SGCA: variants seen among roughly 807,000 people sequenced by gnomAD.
The protein encoded by SGCA is sarcoglycan alpha, also known as alpha-sarcoglycan.
In SGCA, 34 loss-of-function variants were observed where a neutral mutation model predicts 38.1. That is an observed-to-expected ratio of 0.89 (90% CI 0.68 to 1.19). The LOEUF (loss-of-function observed/expected upper bound fraction) is 1.19. SGCA is among the 50% of genes most tolerant of loss of function. SGCA has a pLI of 0.00. For missense variants in SGCA, 476 were observed against 524.9 expected (o/e 0.91, Z 0.91); for synonymous variants, 209 against 214.6 (o/e 0.97, Z 0.23).
chr17:50,169,027 T>G, intron 5 of SGCA, 65 bp from the exon 6 acceptor site: 1 of 1,475,886 alleles, frequency 6.8e-7, no homozygotes, highest in Non-Finnish European at 9.5e-7. Flanking sequence ...CAACAACCCC[T>G]GGCAGAGTGG....
rs573792379 is a variant in SGCA, at chr17:50,167,379, G to A, written c.49G>A (p.Gly17Arg). The change falls in exon 2 of 10, where the codon GGG (glycine) becomes AGG (arginine). Residue 17 changes from glycine to arginine, a missense_variant. By Grantham distance (125) the Gly-to-Arg change is moderately radical. Coordinates refer to ENST00000262018, the MANE Select transcript of SGCA (RefSeq NM_000023.4). The surrounding 1 kb of genome is among the most constrained non-coding windows in gnomAD (Gnocchi z 4.5). ...TGGGGTCCCCACAGTTCTCCTGGCA[G>A]GGCTGGGGGACACCGAGGCCCAGCA... ...WTPLLVVLLA[G>R]LGDTEAQQTT... 9.7e-5 allele frequency: 156 copies of A among 1,614,162 alleles called. 1 individual carries two copies. In the South Asian group the frequency reaches 1.7e-3, roughly 17 times the overall value.
intron 5 of SGCA, 54 bp from the exon 6 acceptor site, chr17:50,169,038 T>G: frequency 6.5e-7 from 1 of 1,532,046 alleles, no homozygotes; most frequent in Admixed American, 1.7e-5. Context: ...GGCAGAGTGG[T>G]GCCTCGTGCC....
Position 50,166,367 on chromosome 17 carries a change from G to A in SGCA, c.37+290G>A, listed in dbSNP as rs73987434. 9.7e-3 allele frequency among the ~76,000 whole-genome samples: 1,479 copies of A among 152,214 alleles called. 23 individuals carry two copies. Among genetic ancestry groups the A allele is most frequent in the African/African-American group, 0.034 (1,402 of 41,496 alleles). On this transcript the variant is annotated intron_variant, in intron 1 of 9. Coordinates refer to ENST00000262018, the MANE Select transcript of SGCA (RefSeq NM_000023.4). ...GGGTCGTGGGCCCTTTAATGAGCTGGCTGGGCCGCAGCTTCTAAGCCCAGG... is the reference window on the plus strand; with the variant it reads ...GGGTCGTGGGCCCTTTAATGAGCTGACTGGGCCGCAGCTTCTAAGCCCAGG...
intron 8 of SGCA, 156 bp from the exon 9 acceptor site, chr17:50,175,101 A>T: frequency 1.3e-6 from 1 of 768,540 alleles, no homozygotes. Context: ...CCGGCCCCAT[A>T]GAGCTTTCTG....
chr17:50,175,730 T>C lies in SGCA; in HGVS notation c.*31T>C. 1.6e-6 allele frequency: 1 copy of C among 608,852 alleles called. No homozygotes were observed. 37.7% of individuals were successfully genotyped at this position (608,852 alleles called of 1,614,324 possible). On this transcript the variant is annotated 3_prime_UTR_variant, in exon 10 of 10. Transcript: ENST00000262018. Reference sequence around the variant, plus strand: ...CCCACAGTGGTTCCAGGTCCAGCCCTGACTTCATCCTCCCTTCTCTGTCCA... The same window carrying C: ...CCCACAGTGGTTCCAGGTCCAGCCCCGACTTCATCCTCCCTTCTCTGTCCA...
At chr17:50,171,786 C>A (rs202159116) in intron 8 of SGCA, 2 of 456,644 alleles carry the variant, frequency 4.4e-6, no homozygotes, top group Admixed American at 4.7e-5. Flanking sequence ...CGGGCCATGT[C>A]GTAGCCCGTG....
In SGCA at chr17:50,170,750, A is replaced by G. The variant is rs916058544; in HGVS notation, c.983+84A>G. 6.1e-6 allele frequency: 7 copies of G among 1,148,706 alleles called. No individual in the cohort carries two copies. In the African/African-American group the frequency reaches 9.2e-5, roughly 15 times the overall value. The allele number at this position is 1,148,706 out of a possible 1,614,324, so 71.2% of individuals were successfully genotyped here. A position where few individuals can be genotyped will look rare whatever the true frequency, so the allele number is the denominator to read the frequency against. ...GCCACCAAACTATGCCATGAACAGCAGAGACAAAATAAATAACTCCAGGGT... is the reference window on the plus strand; with the variant it reads ...GCCACCAAACTATGCCATGAACAGCGGAGACAAAATAAATAACTCCAGGGT... On this transcript the variant is annotated intron_variant, in intron 8 of 9. Transcript: ENST00000262018.
rs752477093 is a variant in SGCA at position 50,170,275 on chromosome 17, C to T, written c.880C>T (p.Leu294Phe). The change falls in exon 7 of 10, where the codon CTC (leucine) becomes TTC (phenylalanine). Residue 294 changes from leucine (L) to phenylalanine (F), a missense_variant. Transcript: ENST00000262018. ...RDFLVDALVTLLVPLLVALLL... is the reference protein window; with the variant it reads ...RDFLVDALVTFLVPLLVALLL... The stretch of plus-strand genomic sequence containing the variant: ...CTTCTTGGTGGATGCTCTGGTCACC[C>T]TCCTGGTGCCCCTGCTGGTGGCCCT... 3.1e-6 allele frequency: 5 copies of T among 1,614,100 alleles called. No homozygotes were observed. The highest frequency in any genetic ancestry group is 3.3e-5 in the Admixed American group (2 of 60,012).
In SGCA at chr17:50,167,742, G is replaced by T. The variant is rs371433770; in HGVS notation, c.312+6G>T. 3 of 1,605,642 alleles carry T rather than the reference G, an allele frequency of 1.9e-6. No homozygotes were observed. Among genetic ancestry groups the T allele is most frequent in the East Asian group, 4.5e-5 (2 of 44,560 alleles). The stretch of plus-strand genomic sequence containing the variant: ...GTGGGCTCCAGGTCATTGAGGTGCC[G>T]TCAGGGACCCTGAGAAAATCACAGG... On this transcript the variant is annotated splice_donor_region_variant and intron_variant, in intron 3 of 9. Transcript: ENST00000262018. This position sits in a 1 kb window ranked among gnomAD's most constrained non-coding sequence, Gnocchi z 4.5.
intron 4 of SGCA, 107 bp downstream of exon 4, chr17:50,168,126 C>A (rs1905083765): frequency 1.8e-6 from 2 of 1,096,466 alleles, no homozygotes; most frequent in Non-Finnish European, 2.8e-6. Context: ...AGGAGTGGAG[C>A]AGGGCATCCT....
chr17:50,170,416 G>A (rs1905280623), intron 7 of SGCA, 65 bp downstream of exon 7: 2 of 1,499,566 alleles, frequency 1.3e-6, no homozygotes, highest in Admixed American at 3.4e-5. Context: ...ACTCACAGTG[G>A]CACTTGTGCT....
At chr17:50,169,295 G>T (rs1449654206) in intron 6 of SGCA, 41 bp downstream of exon 6, 1 of 1,550,014 alleles carries the variant, frequency 6.5e-7, no homozygotes, top group Non-Finnish European at 8.8e-7. Flanking sequence ...GTGGGGCATG[G>T]CCCCCATCCC....
At chr17:50,169,944 A>G in intron 6 of SGCA, 199 bp from the exon 7 acceptor site, 2 of 636,934 alleles carry the variant, frequency 3.1e-6, no homozygotes. Flanking sequence ...GAGGCACATA[A>G]TCATCCTAGC....
intron 5 of SGCA, 146 bp from the exon 6 acceptor site, chr17:50,168,946 T>G: frequency 1.3e-6 from 1 of 752,316 alleles, no homozygotes; most frequent in Non-Finnish European, 2.3e-6. Flanking sequence ...GCCATGTTCC[T>G]CCCTTAATCC....
At chr17:50,168,701 C>T in intron 5 of SGCA, 129 bp downstream of exon 5, 1 of 806,810 alleles carries the variant, frequency 1.2e-6, no homozygotes, top group Non-Finnish European at 2.1e-6. Context: ...GCTTCACACC[C>T]CTCACCACTC....
At chr17:50,171,742 C>G (rs1425559023) in intron 8 of SGCA, 3 of 456,764 alleles carry the variant, frequency 6.6e-6, no homozygotes, top group East Asian at 6.9e-5. Context: ...TGTCCACCAG[C>G]CCCTTGAGCA....
intron 8 of SGCA, chr17:50,171,841 G>T (rs1905441202): frequency 2.2e-6 from 1 of 456,666 alleles, no homozygotes; most frequent in African/African-American, 2.0e-5. Flanking sequence ...CATACTTGCA[G>T]GTCCCCTTGT....
chr17:50,167,513 C>A lies in SGCA; in HGVS notation c.157+26C>A. 2 of 1,614,106 alleles carry A rather than the reference C, an allele frequency of 1.2e-6. No homozygotes were observed. Among genetic ancestry groups the A allele is most frequent in the Non-Finnish European group, 1.7e-6 (2 of 1,179,992 alleles). On this transcript the variant is annotated intron_variant, in intron 2 of 9. Coordinates refer to ENST00000262018, the MANE Select transcript of SGCA (RefSeq NM_000023.4). This position sits in a 1 kb window ranked among gnomAD's most constrained non-coding sequence, Gnocchi z 4.5. ...GTGAGCGGCCTGACAGGCACCCAGGCGGGCGGGCTGGGGTGTACCCCGCAG... is the reference window on the plus strand; with the variant it reads ...GTGAGCGGCCTGACAGGCACCCAGGAGGGCGGGCTGGGGTGTACCCCGCAG...
chr17:50,172,162 C>T (rs1385265599), intron 8 of SGCA: 25 of 456,888 alleles, frequency 5.5e-5, no homozygotes, highest in African/African-American at 1.8e-4. Flanking sequence ...TCTTGAGCTC[C>T]GGCCCTCACC....
Sources: gnomAD v4.1 joint callset for allele counts (sites outside exome capture counted in the v4.1 genomes callset) on GRCh38, gnomAD v4.1.1 for gene constraint, Gnocchi (gnomAD v3.1) non-coding constraint, MANE v1.5 for transcripts, NCBI Gene and HGNC (gene_info 2026-07-23, HGNC 2026-07-21) for gene names.